The following RIMS2 variants were observed in gnomAD, a reference collection of about 807,000 sequenced individuals.
RIMS2 encodes regulating synaptic membrane exocytosis protein 2.
In RIMS2, 59 loss-of-function variants were observed where a neutral mutation model predicts 174.4. The ratio of observed to expected loss-of-function variants is 0.34; its 90% CI spans 0.27 to 0.42. The LOEUF (loss-of-function observed/expected upper bound fraction) is 0.42, where lower values mean the gene tolerates loss of function less well. RIMS2 is among the 10% of genes least tolerant of loss of function. The pLI, the probability that RIMS2 is intolerant of heterozygous loss-of-function variation, is 1.00. For synonymous variants in RIMS2, 606 were observed against 572.5 expected, an observed-to-expected ratio of 1.06 and a Z score of -0.84; for missense variants, 1,620 against 1,666.3, an observed-to-expected ratio of 0.97 and a Z score of 0.48.
At chr8:103,872,809 G>A (rs2099118843) in intron 3 of RIMS2, among the ~76,000 whole-genome samples, 1 of 152,118 alleles carries the variant, frequency 6.6e-6, no homozygotes, top group African/African-American at 2.4e-5. Flanking sequence ...CTGAATCACA[G>A]CCATGAGAAA....
chr8:104,092,126 A>G (rs1226052009), intron 19 of RIMS2, among the ~76,000 whole-genome samples: 2 of 151,816 alleles, frequency 1.3e-5, no homozygotes, highest in African/African-American at 4.8e-5. Context: ...AGGTTTTGGG[A>G]GAAAACAATC....
At chr8:103,612,854 C>T (rs1183875696) in intron 1 of RIMS2, among the ~76,000 whole-genome samples, 1 of 152,238 alleles carries the variant, frequency 6.6e-6, no homozygotes, top group Non-Finnish European at 1.5e-5. Flanking sequence ...CAGGCGTGAG[C>T]CACTGCACCT....
intron 19 of RIMS2, among the ~76,000 whole-genome samples, chr8:104,108,009 A>G (rs191830741): frequency 6.8e-6 from 1 of 146,392 alleles, no homozygotes; most frequent in Admixed American, 6.9e-5. Context: ...TTCAGAAATC[A>G]GTGGAAATTA....
intron 3 of RIMS2, among the ~76,000 whole-genome samples, chr8:103,884,163 G>A (rs979869650): frequency 6.6e-6 from 1 of 151,764 alleles, no homozygotes; most frequent in African/African-American, 2.4e-5. Context: ...TTAGAGAAGA[G>A]TGCTGATTTT....
intron 4 of RIMS2, among the ~76,000 whole-genome samples, chr8:103,903,646 A>G (rs1256514106): frequency 6.6e-6 from 1 of 152,140 alleles, no homozygotes; most frequent in East Asian, 1.9e-4. Context: ...ATATTTAAGT[A>G]TGTTTAACTT....
chr8:103,670,408 T>C (rs1014006588), intron 1 of RIMS2, among the ~76,000 whole-genome samples: 3 of 152,228 alleles, frequency 2.0e-5, no homozygotes, highest in Admixed American at 6.5e-5. Context: ...CCTCGTTACT[T>C]AAGCAAATTT....
chr8:103,891,126 C>T (rs1375388428), intron 4 of RIMS2, among the ~76,000 whole-genome samples: 1 of 152,022 alleles, frequency 6.6e-6, no homozygotes, highest in East Asian at 1.9e-4. Flanking sequence ...CCCCACTTCA[C>T]TTTCAGAACC....
chr8:103,697,320 C>T (rs2097115140), intron 2 of RIMS2, 24 bp downstream of exon 4: 3 of 1,508,588 alleles, frequency 2.0e-6, no homozygotes, highest in African/African-American at 1.4e-5. Flanking sequence ...AATTACAGTT[C>T]TCTTCTAGTT....
At chr8:103,509,898 T>C (rs774864532) in intron 1 of RIMS2, among the ~76,000 whole-genome samples, 1 of 152,148 alleles carries the variant, frequency 6.6e-6, no homozygotes, top group Non-Finnish European at 1.5e-5. Context: ...TTACTTTTTG[T>C]ACAATATAGT....
At chr8:103,725,942 G>T (rs2097523078) in intron 2 of RIMS2, among the ~76,000 whole-genome samples, 1 of 151,948 alleles carries the variant, frequency 6.6e-6, no homozygotes, top group Non-Finnish European at 1.5e-5. Flanking sequence ...GTGTTTTTCG[G>T]CCATTTATAT....
intron 19 of RIMS2, among the ~76,000 whole-genome samples, chr8:104,084,881 A>G (rs532784980): frequency 3.9e-4 from 60 of 152,308 alleles, no homozygotes; most frequent in African/African-American, 1.4e-3. Flanking sequence ...CTTGCCTAAG[A>G]TTGTGTAGCT....
intron 1 of RIMS2, among the ~76,000 whole-genome samples, chr8:103,581,741 G>A (rs995148223): frequency 1.3e-5 from 2 of 152,182 alleles, no homozygotes; most frequent in Admixed American, 6.5e-5. Context: ...GTCAGAGGAG[G>A]AGCAAGATGG....
chr8:103,675,092 A>C (rs2096791452), intron 1 of RIMS2, among the ~76,000 whole-genome samples: 1 of 152,098 alleles, frequency 6.6e-6, no homozygotes, highest in South Asian at 2.1e-4. Flanking sequence ...TTGTATTTTT[A>C]GTAGAGATGG....
intron 2 of RIMS2, among the ~76,000 whole-genome samples, chr8:103,715,333 G>C (rs1325184858): frequency 6.6e-6 from 1 of 151,828 alleles, no homozygotes; most frequent in Non-Finnish European, 1.5e-5. Flanking sequence ...CCTACTGCCT[G>C]CCCCCGACCA....
At chr8:103,883,032 G>T (rs41414649) in intron 3 of RIMS2, among the ~76,000 whole-genome samples, 20,134 of 151,526 alleles carry the variant, frequency 0.13, 1,822 homozygotes, top group Non-Finnish European at 0.2. Context: ...TGATGAAGTT[G>T]TGGTATCAAT....
At chr8:103,842,038 T>C (rs529370879) in intron 3 of RIMS2, among the ~76,000 whole-genome samples, 1 of 152,204 alleles carries the variant, frequency 6.6e-6, no homozygotes. Context: ...TTACTTCTAG[T>C]GCAACTATAA....
chr8:104,163,024 A>G (rs2098773173), intron 19 of RIMS2, among the ~76,000 whole-genome samples: 1 of 152,192 alleles, frequency 6.6e-6, no homozygotes. Flanking sequence ...TTTGATAGAA[A>G]CATCATAAAA....
At chr8:104,100,945 T>C (rs1238008386) in intron 19 of RIMS2, among the ~76,000 whole-genome samples, 1 of 99,414 alleles carries the variant, frequency 1.0e-5, no homozygotes, top group Non-Finnish European at 1.8e-5. Context: ...TTATATATTA[T>C]ATAGTATATA....
intron 3 of RIMS2, among the ~76,000 whole-genome samples, chr8:103,796,484 C>T (rs1457423533): frequency 6.6e-6 from 1 of 152,120 alleles, no homozygotes. Context: ...GCCTGTTATG[C>T]CCTCTTTTGA....
Sources: gnomAD v4.1 joint callset for allele counts (sites outside exome capture counted in the v4.1 genomes callset) on GRCh38, gnomAD v4.1.1 for gene constraint, MANE v1.5 for transcripts, NCBI Gene and HGNC (gene_info 2026-07-23, HGNC 2026-07-21) for gene names.